The following OGA variants were observed in gnomAD, a reference collection of about 807,000 sequenced individuals.
OGA encodes the protein protein O-GlcNAcase.
In OGA, 21 loss-of-function variants were observed where a neutral mutation model predicts 102.0. The observed-to-expected ratio is 0.21, with a 90% CI of 0.15 to 0.30. The LOEUF is 0.30. OGA is among the 10% of genes least tolerant of loss of function. The pLI is 1.00. For missense variants in OGA, 765 were observed against 1,107.8 expected (o/e 0.69, Z 4.39); for synonymous variants, 408 against 378.2 (o/e 1.08, Z -0.91).
chr10:101,796,035 T>A, intron 10 of OGA: 1 of 377,408 alleles, frequency 2.6e-6, no homozygotes, highest in Non-Finnish European at 3.6e-6. Flanking sequence ...ATTCTTAAAT[T>A]AAAAACTGAA....
chr10:101,797,936 G>A (rs1481087784), intron 10 of OGA, 44 bp downstream of exon 10: 1 of 1,570,572 alleles, frequency 6.4e-7, no homozygotes, highest in Non-Finnish European at 8.7e-7. Context: ...TTTTTTAAAG[G>A]GACAATATAT....
In OGA at chr10:101,813,565, G is replaced by T; in HGVS notation, c.241C>A (p.Leu81Ile). Residue 81 changes from leucine (L) to isoleucine (I), a missense_variant, in exon 2 of 16, where the codon CTC (leucine) becomes ATC (isoleucine). By Grantham distance (5) the Leu-to-Ile change is conservative. This residue lies in a region of OGA where 165 missense variants were observed against 249.7 expected (regional missense o/e 0.66). Transcript: ENST00000361464. ...RPWVMEQRKE[L>I]FRRLQKWELN... Reference sequence around the variant, plus strand: ...ATAATGAAGATTTACCTTCTAAAGAGTTCTTTTCTCTGTTCCATAACCCAA... The same window carrying T: ...ATAATGAAGATTTACCTTCTAAAGATTTCTTTTCTCTGTTCCATAACCCAA... 6.5e-7 allele frequency: 1 copy of T among 1,548,950 alleles called. No homozygotes were observed.
intron 5 of OGA, among the ~76,000 whole-genome samples, chr10:101,807,419 G>GGTAA (rs764812717): frequency 3.9e-5 from 6 of 151,970 alleles, no homozygotes; most frequent in Non-Finnish European, 5.9e-5. Context: ...AAGTGACTAA[G>GGTAA]GTAAAAGCAA....
intron 5 of OGA, among the ~76,000 whole-genome samples, chr10:101,806,540 G>A (rs1160049908): frequency 6.6e-6 from 1 of 152,142 alleles, no homozygotes; most frequent in Non-Finnish European, 1.5e-5. Flanking sequence ...ATGATAAAAG[G>A]CCTCCTACAA....
intron 6 of OGA, among the ~76,000 whole-genome samples, chr10:101,804,450 T>C (rs1353855490): frequency 6.6e-6 from 1 of 151,762 alleles, no homozygotes; most frequent in African/African-American, 2.4e-5. Flanking sequence ...TTTTTTGTAT[T>C]TTTTAGTAGA....
intron 10 of OGA, among the ~76,000 whole-genome samples, chr10:101,794,945 C>T (rs960949341): frequency 5.3e-5 from 8 of 152,170 alleles, no homozygotes; most frequent in African/African-American, 1.9e-4. Flanking sequence ...CTCATCAGTA[C>T]AAATATAGTG....
At chr10:101,805,443 T>C (rs1785810589) in intron 6 of OGA, among the ~76,000 whole-genome samples, 1 of 149,704 alleles carries the variant, frequency 6.7e-6, no homozygotes, top group Non-Finnish European at 1.5e-5. Context: ...TCACCTGAGG[T>C]CGGGAGTTTG....
At chr10:101,789,839 C>A (rs1339388350) in intron 14 of OGA, among the ~76,000 whole-genome samples, 1 of 152,082 alleles carries the variant, frequency 6.6e-6, no homozygotes, top group Non-Finnish European at 1.5e-5. Flanking sequence ...TTAGCTGATG[C>A]GTAGTGGCTT....
At chr10:101,812,983 G>A (rs1258256229) in intron 3 of OGA, 47 bp downstream of exon 3, 10 of 1,361,034 alleles carry the variant, frequency 7.3e-6, no homozygotes, top group East Asian at 2.3e-5. Context: ...AAATATAACC[G>A]TTTTCTTCAC....
chr10:101,803,227 C>T (rs2065419052), intron 7 of OGA, among the ~76,000 whole-genome samples: 1 of 151,490 alleles, frequency 6.6e-6, no homozygotes, highest in Non-Finnish European at 1.5e-5. Flanking sequence ...ATCTAGTTAT[C>T]TAAAATATCC....
intron 11 of OGA, 150 bp downstream of exon 11, chr10:101,793,763 A>T (rs2065285235): frequency 1.7e-6 from 1 of 601,046 alleles, no homozygotes; most frequent in Non-Finnish European, 2.9e-6. Flanking sequence ...GAGGAGGAAA[A>T]TTTGATTTAA....
At chr10:101,812,955 C>A (rs755498332) in intron 3 of OGA, 75 bp downstream of exon 3, 5 of 1,140,022 alleles carry the variant, frequency 4.4e-6, no homozygotes, top group East Asian at 4.7e-5. Context: ...TCATAAAATT[C>A]TTGTACAACT....
chr10:101,794,064 CA>C, intron 10 of OGA, 66 bp from the exon 11 acceptor site: 1 of 1,139,096 alleles, frequency 8.8e-7, no homozygotes, highest in South Asian at 1.3e-5. Context: ...CTCAAATGTC[CA>C]ACAAACTGAC....
chr10:101,790,359 C>T (rs1014456582), intron 14 of OGA, among the ~76,000 whole-genome samples: 5 of 150,370 alleles, frequency 3.3e-5, no homozygotes, highest in Non-Finnish European at 5.9e-5. Flanking sequence ...TGCAACCTCC[C>T]GCTCCTGGGT....
intron 3 of OGA, among the ~76,000 whole-genome samples, chr10:101,812,363 G>A (rs1394188856): frequency 6.6e-6 from 1 of 151,976 alleles, no homozygotes; most frequent in Admixed American, 6.6e-5. Context: ...AGCCGAGATC[G>A]CACCACTGCA....
chr10:101,807,181 A>C (rs1448708801), intron 5 of OGA, among the ~76,000 whole-genome samples: 1 of 152,210 alleles, frequency 6.6e-6, no homozygotes, highest in Non-Finnish European at 1.5e-5. Flanking sequence ...CTTCCTGAAC[A>C]AGGAAGTGTG....
intron 3 of OGA, among the ~76,000 whole-genome samples, chr10:101,811,671 A>G (rs1342562565): frequency 1.3e-5 from 2 of 152,006 alleles, no homozygotes; most frequent in African/African-American, 2.4e-5. Flanking sequence ...CAGCCTGGGT[A>G]ACAAAGTGAC....
At chr10:101,815,311 C>T in intron 1 of OGA, among the ~76,000 whole-genome samples, 1 of 151,744 alleles carries the variant, frequency 6.6e-6, no homozygotes, top group Non-Finnish European at 1.5e-5. Flanking sequence ...CGGAATCTCA[C>T]TCTGTCGCCC....
chr10:101,791,541 T>C (rs1182070889), intron 12 of OGA, 102 bp from the exon 13 acceptor site: 1 of 771,784 alleles, frequency 1.3e-6, no homozygotes, highest in Admixed American at 2.1e-5. Flanking sequence ...CAAAATGGCC[T>C]GTCAGAAACA....
Sources: gnomAD v4.1 joint callset for allele counts (sites outside exome capture counted in the v4.1 genomes callset) on GRCh38, gnomAD v4.1.1 for gene constraint, gnomAD v4.1.1 regional missense constraint, MANE v1.5 for transcripts, NCBI Gene and HGNC (gene_info 2026-07-23, HGNC 2026-07-21) for gene names.